CHST11: variants seen among roughly 807,000 people sequenced by gnomAD.
CHST11 encodes C4S-1.
Under a neutral mutation model 30.4 loss-of-function variants are expected in CHST11, and 9 were observed. The ratio of observed to expected loss-of-function variants is 0.30; its 90% CI spans 0.18 to 0.52. CHST11 has a LOEUF of 0.52. CHST11 is among the 20% of genes least tolerant of loss of function. The pLI is 0.97. For synonymous variants in CHST11, 152 were observed against 187.8 expected (o/e 0.81, Z 1.56); for missense variants, 348 against 460.6 (o/e 0.76, Z 2.24).
chr12:104,704,114 G>A (rs778321958), intron 2 of CHST11, among the ~76,000 whole-genome samples: 8 of 152,196 alleles, frequency 5.3e-5, no homozygotes, highest in Non-Finnish European at 1.2e-4. Context: ...AGCCTGGGAA[G>A]CAATGCACAC....
At chr12:104,481,766 T>C (rs2037625018) in intron 1 of CHST11, among the ~76,000 whole-genome samples, 1 of 151,872 alleles carries the variant, frequency 6.6e-6, no homozygotes, top group African/African-American at 2.4e-5. Context: ...TAAATAGGAC[T>C]GTTTCCTTCC....
chr12:104,632,643 G>A (rs764902096), intron 2 of CHST11, among the ~76,000 whole-genome samples: 1 of 152,198 alleles, frequency 6.6e-6, no homozygotes, highest in Non-Finnish European at 1.5e-5. Context: ...CCGCTCAAAC[G>A]GGTTTCTTAG....
intron 2 of CHST11, among the ~76,000 whole-genome samples, chr12:104,727,165 G>A (rs1356702126): frequency 6.6e-6 from 1 of 152,052 alleles, no homozygotes; most frequent in Non-Finnish European, 1.5e-5. Flanking sequence ...CCTTCTAGAA[G>A]GGAATGGTTC....
At chr12:104,646,526 G>C (rs1290413453) in intron 2 of CHST11, among the ~76,000 whole-genome samples, 3 of 152,068 alleles carry the variant, frequency 2.0e-5, no homozygotes, top group Non-Finnish European at 4.4e-5. Context: ...GAGGTCAAGA[G>C]ATCAAGACCA....
chr12:104,704,237 G>C (rs182523559), intron 2 of CHST11, among the ~76,000 whole-genome samples: 101 of 152,312 alleles, frequency 6.6e-4, no homozygotes, highest in African/African-American at 2.3e-3. Context: ...CCCACTGTCT[G>C]TGTCACTTCC....
At chr12:104,486,697 C>G (rs1241575277) in intron 1 of CHST11, among the ~76,000 whole-genome samples, 1 of 152,150 alleles carries the variant, frequency 6.6e-6, no homozygotes. Context: ...CTGGCACAAA[C>G]CGAATCATAG....
chr12:104,525,563 C>T (rs1156847238), intron 1 of CHST11, among the ~76,000 whole-genome samples: 1 of 152,150 alleles, frequency 6.6e-6, no homozygotes, highest in Non-Finnish European at 1.5e-5. Flanking sequence ...CTCCCTGAGC[C>T]TCAGCTTTCC....
chr12:104,457,360 C>T lies in CHST11; in HGVS notation c.-52C>T, dbSNP rs990332266. On this transcript the variant is annotated 5_prime_UTR_variant, in exon 1 of 3. Transcript: ENST00000303694. Reference sequence around the variant, plus strand: ...CCGCGCGGCGGGGTCCCTGCTCCTGCGCCCCGGGCGCGCTTCCCGGACACC... The same window carrying T: ...CCGCGCGGCGGGGTCCCTGCTCCTGTGCCCCGGGCGCGCTTCCCGGACACC... The T allele has an allele frequency of 1.4e-6, 2 of 1,388,942 alleles. No individual in the cohort carries two copies. The highest frequency in any genetic ancestry group is 2.0e-6 in the Non-Finnish European group (2 of 985,120). 86.0% of individuals were successfully genotyped at this position (1,388,942 alleles called of 1,614,324 possible).
intron 2 of CHST11, among the ~76,000 whole-genome samples, chr12:104,645,836 G>C (rs1443937395): frequency 6.6e-6 from 1 of 152,134 alleles, no homozygotes; most frequent in African/African-American, 2.4e-5. Flanking sequence ...TATCCTAAAG[G>C]GTATCCATCT....
intron 1 of CHST11, among the ~76,000 whole-genome samples, chr12:104,574,418 A>G (rs10861238): frequency 0.2 from 30,880 of 152,190 alleles, 3,927 homozygotes; most frequent in East Asian, 0.43. Context: ...ACACATGTTA[A>G]TTGTGGCACT....
At chr12:104,494,392 T>A (rs1183643690) in intron 1 of CHST11, among the ~76,000 whole-genome samples, 1 of 152,236 alleles carries the variant, frequency 6.6e-6, no homozygotes, top group African/African-American at 2.4e-5. Flanking sequence ...ACACTGCTCT[T>A]ATTTGAATGT....
chr12:104,686,849 C>T (rs555853150), intron 2 of CHST11, among the ~76,000 whole-genome samples: 28 of 152,268 alleles, frequency 1.8e-4, no homozygotes, highest in South Asian at 1.2e-3. Flanking sequence ...GGTTTCACCA[C>T]GTTGGTCAGG....
chr12:104,582,215 C>G (rs1157534644), intron 1 of CHST11, among the ~76,000 whole-genome samples: 2 of 152,102 alleles, frequency 1.3e-5, no homozygotes, highest in Non-Finnish European at 2.9e-5. Context: ...TTATTTCCAT[C>G]TTATTGGTGA....
At chr12:104,723,612 G>A (rs1467500896) in intron 2 of CHST11, among the ~76,000 whole-genome samples, 2 of 152,226 alleles carry the variant, frequency 1.3e-5, no homozygotes, top group Non-Finnish European at 2.9e-5. Context: ...ACATGCCCCT[G>A]GGAGGTGGTA....
chr12:104,611,368 G>C (rs2039057975), intron 2 of CHST11, among the ~76,000 whole-genome samples: 1 of 152,226 alleles, frequency 6.6e-6, no homozygotes, highest in Admixed American at 6.5e-5. Flanking sequence ...GCTTGTGACT[G>C]CTGTCTTGGA....
Position 104,534,189 on chromosome 12 carries a change from A to T in CHST11, c.119-67717A>T, listed in dbSNP as rs529949894. On this transcript the variant is annotated intron_variant, in intron 1 of 2. Coordinates refer to ENST00000303694, the MANE Select transcript of CHST11 (RefSeq NM_018413.6). ...AAATAAATGTATTTAGCAAAATGACATATTTCAGCGATAAATTTGGTTTCT... is the reference window on the plus strand; with the variant it reads ...AAATAAATGTATTTAGCAAAATGACTTATTTCAGCGATAAATTTGGTTTCT... Among the ~76,000 whole-genome samples, 6 of 152,366 alleles carry T rather than the reference A, an allele frequency of 3.9e-5. No homozygotes were observed. The South Asian group carries it at 1.2e-3, about 32-fold the overall frequency.
rs966111381 is a variant in CHST11, at chr12:104,667,870, G to A, written c.204+65879G>A. ...AAACACCTTAGACACCCAGACCCAC[G>A]GAATCAGAATCTCTAGGGGTATGCA... On this transcript the variant is annotated intron_variant, in intron 2 of 2. Coordinates refer to ENST00000303694, the MANE Select transcript of CHST11 (RefSeq NM_018413.6). 2.6e-5 allele frequency among the ~76,000 whole-genome samples: 4 copies of A among 152,276 alleles called. No homozygotes were observed. In the East Asian group the frequency reaches 5.8e-4, roughly 22 times the overall value.
intron 2 of CHST11, among the ~76,000 whole-genome samples, chr12:104,719,483 A>T (rs1316525172): frequency 1.3e-5 from 2 of 152,158 alleles, no homozygotes; most frequent in Non-Finnish European, 2.9e-5. Context: ...GCACGCACAC[A>T]GGGCTCAGGC....
chr12:104,628,716 C>T (rs141166850), intron 2 of CHST11, among the ~76,000 whole-genome samples: 36 of 152,238 alleles, frequency 2.4e-4, no homozygotes, highest in Middle Eastern at 3.4e-3. Flanking sequence ...TTCCTGCCAC[C>T]GGGCCTTTGC....
Sources: gnomAD v4.1 joint callset for allele counts (sites outside exome capture counted in the v4.1 genomes callset) on GRCh38, gnomAD v4.1.1 for gene constraint, MANE v1.5 for transcripts, NCBI Gene and HGNC (gene_info 2026-07-23, HGNC 2026-07-21) for gene names.